SLC29A4: variants seen among roughly 807,000 people sequenced by gnomAD.
SLC29A4 encodes the protein equilibrative nucleoside transporter 4.
Under a neutral mutation model 43.9 loss-of-function variants are expected in SLC29A4, and 36 were observed. That is an observed-to-expected ratio of 0.82 (90% CI 0.63 to 1.08). The LOEUF is 1.08. SLC29A4 is among the 50% of genes least tolerant of loss of function. The pLI is 0.00. For synonymous variants in SLC29A4, 491 were observed against 338.0 expected (o/e 1.45, Z -4.97); for missense variants, 869 against 755.3 (o/e 1.15, Z -1.77).
intron 10 of SLC29A4, among the ~76,000 whole-genome samples, chr7:5,301,522 C>A (rs984548755): frequency 3.3e-5 from 5 of 152,090 alleles, no homozygotes; most frequent in African/African-American, 1.2e-4. Flanking sequence ...GTGCAAAGAT[C>A]CTGCGGCACT....
chr7:5,288,298 CTTTTTTT>C (rs34436127), intron 2 of SLC29A4, among the ~76,000 whole-genome samples: 2,184 of 68,736 alleles, frequency 0.032, 49 homozygotes, highest in African/African-American at 0.12. Flanking sequence ...CGTACAGCTT[CTTTTTTT>C]TTTTTTTTTT....
chr7:5,300,014 T>G (rs1268248145), intron 9 of SLC29A4, among the ~76,000 whole-genome samples: 1 of 152,200 alleles, frequency 6.6e-6, no homozygotes, highest in Non-Finnish European at 1.5e-5. Context: ...ATCGTGCCAC[T>G]GCACTCCAGC....
intron 6 of SLC29A4, among the ~76,000 whole-genome samples, chr7:5,296,152 G>A (rs1418623614): frequency 6.6e-6 from 1 of 152,144 alleles, no homozygotes; most frequent in Non-Finnish European, 1.5e-5. Flanking sequence ...TCCCGGCCCT[G>A]TCCTGCAGAC....
intron 10 of SLC29A4, among the ~76,000 whole-genome samples, chr7:5,301,569 G>A (rs1056952378): frequency 6.6e-6 from 1 of 152,234 alleles, no homozygotes; most frequent in Non-Finnish European, 1.5e-5. Context: ...AACGGGGTTT[G>A]ATGGTTGATA....
intron 6 of SLC29A4, 100 bp from the exon 7 acceptor site, chr7:5,296,836 C>T: frequency 4.1e-6 from 5 of 1,231,772 alleles, no homozygotes; most frequent in Non-Finnish European, 5.1e-6. Context: ...GAGGGCGGGG[C>T]CGGTGGGGAG....
At chr7:5,295,095 G>A (rs777999427) in intron 6 of SLC29A4, among the ~76,000 whole-genome samples, 161 bp downstream of exon 6, 5 of 152,160 alleles carry the variant, frequency 3.3e-5, no homozygotes, top group Non-Finnish European at 7.4e-5. Context: ...TTCCTGGCCT[G>A]GCTGGGGGTA....
Position 5,297,209 on chromosome 7 carries a change from A to T in SLC29A4, c.882+11A>T, listed in dbSNP as rs1490794230. Reference sequence around the variant, plus strand: ...GGGGACGTCCACTTCGTAAGTGCGCACCGCCCACCTCTGTTCCCTTCTCTG... The same window carrying T: ...GGGGACGTCCACTTCGTAAGTGCGCTCCGCCCACCTCTGTTCCCTTCTCTG... On this transcript the variant is annotated intron_variant, in intron 7 of 10. Transcript: ENST00000396872. 6.4e-7 allele frequency: 1 copy of T among 1,571,610 alleles called. No individual in the cohort carries two copies. The highest frequency in any genetic ancestry group is 8.6e-7 in the Non-Finnish European group (1 of 1,164,036).
rs755748607 is a variant in SLC29A4 at position 5,287,794 on chromosome 7, C to G, written c.-8-15C>G. On this transcript the variant is annotated splice_polypyrimidine_tract_variant and intron_variant, in intron 1 of 10. Transcript: ENST00000396872. ...CTTCTTCCCTCACCTGCTCTCTCTG[C>G]TTTCTCCAAAGCAGAGGCTGCCATG... The G allele has an allele frequency of 1.9e-6, 3 of 1,607,250 alleles. No individual in the cohort carries two copies. Among genetic ancestry groups the G allele is most frequent in the Non-Finnish European group, 2.5e-6 (3 of 1,178,666 alleles).
At chr7:5,294,078 C>T (rs1456916685) in intron 5 of SLC29A4, among the ~76,000 whole-genome samples, 2 of 151,784 alleles carry the variant, frequency 1.3e-5, no homozygotes, top group Non-Finnish European at 1.5e-5. Context: ...TGCACTCCAG[C>T]CCAGACGACA....
At chr7:5,297,831 C>T (rs886067151) in intron 7 of SLC29A4, among the ~76,000 whole-genome samples, 13 of 152,144 alleles carry the variant, frequency 8.5e-5, no homozygotes, top group African/African-American at 3.1e-4. Flanking sequence ...TGGCCCCTGG[C>T]TCTGCTGGGC....
intron 6 of SLC29A4, among the ~76,000 whole-genome samples, chr7:5,296,347 A>G (rs1785660047): frequency 2.0e-5 from 3 of 151,124 alleles, no homozygotes; most frequent in Admixed American, 2.0e-4. Context: ...AGGAGGGTGC[A>G]GCGACACGGC....
rs1300805347 is a variant in SLC29A4 at position 5,305,757 on chromosome 7, A to G, written c.*2818A>G. 4 of 151,072 alleles carry G rather than the reference A, an allele frequency of 2.6e-5. No individual in the cohort carries two copies. Among genetic ancestry groups the G allele is most frequent in the South Asian group, 2.1e-4 (1 of 4,810 alleles). 9.4% of individuals were successfully genotyped at this position (151,072 alleles called of 1,614,324 possible). A position where few individuals can be genotyped will look rare whatever the true frequency, so the allele number is the denominator to read the frequency against. On this transcript the variant is annotated 3_prime_UTR_variant, in exon 11 of 11. Coordinates refer to ENST00000396872, the MANE Select transcript of SLC29A4 (RefSeq NM_153247.4). The stretch of plus-strand genomic sequence containing the variant: ...CTTTTAGTAGAGACGAGGTTTCTCC[A>G]TGTTGGTCAGGCTGGTCTTGAACTC...
intron 9 of SLC29A4, 45 bp from the exon 10 acceptor site, chr7:5,300,377 G>A (rs1283597026): frequency 6.2e-7 from 1 of 1,608,202 alleles, no homozygotes. Context: ...GAGGCGAGTG[G>A]GGCTGTGGCC....
intron 1 of SLC29A4, among the ~76,000 whole-genome samples, chr7:5,283,581 C>A (rs890791796): frequency 6.6e-6 from 1 of 152,176 alleles, no homozygotes; most frequent in Admixed American, 6.5e-5. Context: ...GCGCGGCGAC[C>A]CGGGCCGGGG....
chr7:5,289,663 G>T lies in SLC29A4; in HGVS notation c.170-1069G>T, dbSNP rs151269256. On this transcript the variant is annotated intron_variant, in intron 2 of 10. Coordinates refer to ENST00000396872, the MANE Select transcript of SLC29A4 (RefSeq NM_153247.4). The stretch of plus-strand genomic sequence containing the variant: ...GGTTGGAACTGGGGACTGTACTTCA[G>T]CTTGTCAAGGTGACCATAAACAGAC... Among the ~76,000 whole-genome samples, 362 of 152,192 alleles carry T rather than the reference G, an allele frequency of 2.4e-3. 3 individuals carry two copies. Among genetic ancestry groups the T allele is most frequent in the African/African-American group, 8.3e-3 (343 of 41,482 alleles).
chr7:5,296,387 GTGTGTGAGCGGCGTCGGGGTGGGGC>G (rs1562449902), intron 6 of SLC29A4, among the ~76,000 whole-genome samples: 2 of 150,838 alleles, frequency 1.3e-5, no homozygotes, highest in Admixed American at 1.3e-4. Context: ...CATGGTGGGG[GTGTGTGAGCGGCGTCGGGGTGGGGC>G]TGCTGTGAGG....
intron 2 of SLC29A4, among the ~76,000 whole-genome samples, chr7:5,290,036 C>G (rs1467126293): frequency 6.6e-6 from 1 of 150,586 alleles, no homozygotes. Context: ...TAGGCGTGCA[C>G]CACCATGCCC....
intron 10 of SLC29A4, among the ~76,000 whole-genome samples, chr7:5,301,954 AT>A (rs199939938): frequency 6.6e-6 from 1 of 151,184 alleles, no homozygotes; most frequent in Non-Finnish European, 1.5e-5. Flanking sequence ...GAGAGTGGAG[AT>A]TTTTTTTTCT....
intron 7 of SLC29A4, among the ~76,000 whole-genome samples, chr7:5,298,540 C>T (rs73051961): frequency 0.18 from 27,519 of 152,030 alleles, 3,297 homozygotes; most frequent in East Asian, 0.54. Flanking sequence ...ACCTGCAATC[C>T]CAGCTATACA....
Sources: allele counts gnomAD v4.1 joint callset (sites outside exome capture counted in the v4.1 genomes callset), GRCh38; gene constraint gnomAD v4.1.1; transcripts MANE v1.5; gene names NCBI Gene and HGNC (gene_info 2026-07-23, HGNC 2026-07-21).